The following CCDC18 variants were observed in gnomAD, a reference collection of about 807,000 sequenced individuals.
The protein encoded by CCDC18 is coiled-coil domain containing 18, also known as coiled-coil domain-containing protein 18.
In CCDC18, 157 loss-of-function variants were observed where a neutral mutation model predicts 196.0. The ratio of observed to expected loss-of-function variants is 0.80; its 90% CI spans 0.70 to 0.91. The LOEUF (loss-of-function observed/expected upper bound fraction) is 0.91, where lower values mean the gene tolerates loss of function less well. CCDC18 is among the 40% of genes least tolerant of loss of function. CCDC18 has a pLI of 0.00. For missense variants in CCDC18, 1,465 were observed against 1,611.6 expected (o/e 0.91, Z 1.56); for synonymous variants, 482 against 529.2 (o/e 0.91, Z 1.22).
chr1:93,241,101 C>T (rs1428147836), intron 21 of CCDC18, among the ~76,000 whole-genome samples: 2 of 152,020 alleles, frequency 1.3e-5, no homozygotes, highest in Non-Finnish European at 2.9e-5. Flanking sequence ...ATTACAGGCA[C>T]CTGCCACCAC....
chr1:93,276,712 T>C (rs1665640560), intron 28 of CCDC18, among the ~76,000 whole-genome samples: 1 of 152,180 alleles, frequency 6.6e-6, no homozygotes. Flanking sequence ...CCATATTTTT[T>C]TAAATCCCCT....
At chr1:93,213,289 G>T (rs1655970675) in intron 11 of CCDC18, among the ~76,000 whole-genome samples, 1 of 152,030 alleles carries the variant, frequency 6.6e-6, no homozygotes, top group Non-Finnish European at 1.5e-5. Flanking sequence ...GATACGTTTT[G>T]TCAGGTGTTT....
In CCDC18 at chr1:93,209,572, GA is replaced by G. The variant is rs1571435559; in HGVS notation, c.1210-1227del. ...TATTGGTGAAGAAACCTAGACCCAA[GA>G]AAGTAAATAACTTGCCCAACTGGTA... is the stretch of plus-strand genomic sequence containing the variant. On this transcript the variant is annotated intron_variant, in intron 9 of 28. Transcript: ENST00000690025. Among the ~76,000 whole-genome samples the G allele has an allele frequency of 3.3e-5, 5 of 152,278 alleles. No individual in the cohort carries two copies. In the East Asian group the frequency reaches 9.6e-4, roughly 29 times the overall value.
intron 10 of CCDC18, 99 bp from the exon 11 acceptor site, chr1:93,212,002 C>G: frequency 4.8e-6 from 5 of 1,037,792 alleles, no homozygotes; most frequent in Non-Finnish European, 7.1e-6. Flanking sequence ...TATTAGAATT[C>G]TAATTTTTTA....
chr1:93,264,112 CAAGAG>C (rs1664180179), intron 26 of CCDC18, among the ~76,000 whole-genome samples: 1 of 151,778 alleles, frequency 6.6e-6, no homozygotes, highest in African/African-American at 2.4e-5. Flanking sequence ...TGGTGGGAGA[CAAGAG>C]AGCAAGAGGG....
intron 25 of CCDC18, among the ~76,000 whole-genome samples, chr1:93,256,827 T>C (rs1444386599): frequency 6.6e-6 from 1 of 152,194 alleles, no homozygotes; most frequent in Admixed American, 6.5e-5. Context: ...CAAATTGAGT[T>C]ATAAAGCACT....
At chr1:93,269,267 G>A (rs1163643854) in intron 27 of CCDC18, among the ~76,000 whole-genome samples, 3 of 119,802 alleles carry the variant, frequency 2.5e-5, no homozygotes, top group Non-Finnish European at 5.0e-5. Context: ...CACACACTGG[G>A]GCCTGTTGTG....
intron 7 of CCDC18, among the ~76,000 whole-genome samples, chr1:93,204,973 T>TG (rs1288094196): frequency 6.6e-6 from 1 of 151,850 alleles, no homozygotes; most frequent in Non-Finnish European, 1.5e-5. Context: ...GAGAGAAGAA[T>TG]GTAAGAGACA....
upstream of CCDC18, chr1:93,179,927 G>C: frequency 9.6e-7 from 1 of 1,044,916 alleles, no homozygotes; most frequent in South Asian, 1.7e-5. Flanking sequence ...GGAGCGGGCT[G>C]GCTTCCTGAA....
chr1:93,194,383 T>C (rs11578523), intron 6 of CCDC18, among the ~76,000 whole-genome samples: 4 of 152,198 alleles, frequency 2.6e-5, no homozygotes, highest in Non-Finnish European at 5.9e-5. Context: ...GCAGTTGTTA[T>C]ACAGTATAAA....
At chr1:93,200,214 A>G (rs919131169) in intron 6 of CCDC18, among the ~76,000 whole-genome samples, 1 of 152,092 alleles carries the variant, frequency 6.6e-6, no homozygotes, top group African/African-American at 2.4e-5. Context: ...GCTTCAAGCA[A>G]TCCTCCTGGC....
At chr1:93,274,566 C>T (rs899793428) in intron 28 of CCDC18, among the ~76,000 whole-genome samples, 4 of 151,916 alleles carry the variant, frequency 2.6e-5, no homozygotes, top group Non-Finnish European at 5.9e-5. Context: ...AAATACTGGC[C>T]GGGCAAGGTG....
rs906201449 is a variant in CCDC18 at position 93,258,642 on chromosome 1, T to C, written c.3547-106T>C. 5.7e-5 allele frequency: 48 copies of C among 846,038 alleles called. 1 individual carries two copies. Among genetic ancestry groups the C allele is most frequent in the Non-Finnish European group, 7.8e-5 (46 of 591,152 alleles). The allele number at this position is 846,038 out of a possible 1,614,324, so 52.4% of individuals were successfully genotyped here. A position where few individuals can be genotyped will look rare whatever the true frequency, so the allele number is the denominator to read the frequency against. On this transcript the variant is annotated intron_variant, in intron 25 of 28. Transcript: ENST00000690025. ...TAAGTTAACTTTGTGTCTGTGTTTA[T>C]ATAATATAAAAAATTAAACTACTTC...
intron 16 of CCDC18, among the ~76,000 whole-genome samples, chr1:93,223,064 A>T (rs1181103237): frequency 1.3e-5 from 2 of 152,164 alleles, no homozygotes; most frequent in Non-Finnish European, 2.9e-5. Context: ...GAATAGCCCC[A>T]AATTTCATTA....
intron 4 of CCDC18, among the ~76,000 whole-genome samples, chr1:93,188,717 C>T (rs1261070916): frequency 6.6e-6 from 1 of 152,102 alleles, no homozygotes; most frequent in Non-Finnish European, 1.5e-5. Context: ...TGTTTTAAAA[C>T]TGCACAACAA....
At chr1:93,222,664 G>A (rs1206516519) in intron 16 of CCDC18, among the ~76,000 whole-genome samples, 1 of 152,042 alleles carries the variant, frequency 6.6e-6, no homozygotes, top group Non-Finnish European at 1.5e-5. Flanking sequence ...TTAACTCTTT[G>A]AACTTTAATT....
chr1:93,248,009 C>CT (rs71586785), intron 23 of CCDC18, among the ~76,000 whole-genome samples: 2,108 of 69,778 alleles, frequency 0.03, 90 homozygotes, highest in Middle Eastern at 0.087. Context: ...TATTTTCCTT[C>CT]TTTTTTTTTT....
chr1:93,277,920 T>C (rs1313600679), intron 28 of CCDC18, among the ~76,000 whole-genome samples: 1 of 152,164 alleles, frequency 6.6e-6, no homozygotes, highest in East Asian at 1.9e-4. Flanking sequence ...TTAAAATTAG[T>C]TTAACCCCAT....
At chr1:93,262,329 G>A (rs1428799654) in intron 26 of CCDC18, 1 of 152,082 alleles carries the variant, frequency 6.6e-6, no homozygotes, top group African/African-American at 2.4e-5. Flanking sequence ...CAAGTCCAAA[G>A]TCTTATCTGA....
Sources: gnomAD v4.1 joint callset for allele counts (sites outside exome capture counted in the v4.1 genomes callset) on GRCh38, gnomAD v4.1.1 for gene constraint, MANE v1.5 for transcripts, NCBI Gene and HGNC (gene_info 2026-07-23, HGNC 2026-07-21) for gene names.